Variants in DAB1 observed in about 807,000 individuals in gnomAD.
DAB1 encodes DAB adaptor protein 1.
DAB1 carries 15 observed loss-of-function variants against 64.6 expected under a neutral mutation model. The ratio of observed to expected loss-of-function variants is 0.23; its 90% CI spans 0.16 to 0.36. The LOEUF (loss-of-function observed/expected upper bound fraction) is 0.36, where lower values mean the gene tolerates loss of function less well. DAB1 is among the 10% of genes least tolerant of loss of function. DAB1 has a pLI of 1.00. For synonymous variants in DAB1, 235 were observed against 251.9 expected (o/e 0.93, Z 0.64); for missense variants, 596 against 706.7 (o/e 0.84, Z 1.78).
chr1:57,795,103 G>A lies in DAB1; in HGVS notation n.551+88896C>T, dbSNP rs562176916. On this transcript the variant is annotated intron_variant and non_coding_transcript_variant, in intron 6 of 20. Transcript: ENST00000485760. ...ATCCATCAGAGTTACTGATTATGGT[G>A]GCAGTGTTAACATGTGCTTTAAAGA... Among the ~76,000 whole-genome samples the A allele has an allele frequency of 2.3e-4, 35 of 152,334 alleles. No homozygotes were observed. The South Asian group carries it at 7.2e-3, about 32-fold the overall frequency.
At chr1:57,421,301 T>A (rs1684863027) in intron 1 of DAB1, among the ~76,000 whole-genome samples, 6 of 152,222 alleles carry the variant, frequency 3.9e-5, no homozygotes, top group Non-Finnish European at 8.8e-5. Flanking sequence ...GAGATGAGCT[T>A]CATCAACAAT....
rs80315962 is a variant in DAB1, at chr1:57,530,398, A to C, written n.625+119194T>G. ...TATCATTGTGTTGGGCACATGAACC[A>C]ATATGGATTGTATGGACAGAACGTA... is the stretch of plus-strand genomic sequence containing the variant. On this transcript the variant is annotated intron_variant and non_coding_transcript_variant, in intron 7 of 20. Coordinates refer to the DAB1 transcript ENST00000485760. 1.3e-4 allele frequency among the ~76,000 whole-genome samples: 20 copies of C among 152,280 alleles called. No individual in the cohort carries two copies. In the East Asian group the frequency reaches 3.7e-3, roughly 28 times the overall value.
chr1:57,716,815 AAG>A (rs1647089454), intron 6 of DAB1, among the ~76,000 whole-genome samples: 1 of 152,226 alleles, frequency 6.6e-6, no homozygotes, highest in Admixed American at 6.5e-5. Flanking sequence ...GAATGGGAGA[AAG>A]TATCTGCAAG....
intron 3 of DAB1, among the ~76,000 whole-genome samples, chr1:58,409,779 C>T (rs1644649526): frequency 6.6e-6 from 1 of 152,138 alleles, no homozygotes; most frequent in South Asian, 2.1e-4. Context: ...AGATGGAGGC[C>T]AAGGACACTG....
At chr1:57,563,424 G>A (rs1645076534) in intron 7 of DAB1, among the ~76,000 whole-genome samples, 2 of 152,124 alleles carry the variant, frequency 1.3e-5, no homozygotes, top group South Asian at 4.1e-4. Flanking sequence ...TCTCACTGGG[G>A]CTTGTCAGAC....
At chr1:57,856,646 C>G (rs563986747) in intron 1 of DAB1, among the ~76,000 whole-genome samples, 1 of 152,128 alleles carries the variant, frequency 6.6e-6, no homozygotes, top group African/African-American at 2.4e-5. Context: ...CACCTGTAAT[C>G]TCAGCTACAC....
intron 2 of DAB1, among the ~76,000 whole-genome samples, chr1:57,260,998 A>G (rs1670139422): frequency 6.6e-6 from 1 of 152,172 alleles, no homozygotes; most frequent in South Asian, 2.1e-4. Context: ...TATCTCCCGC[A>G]TTTAATGATA....
intron 2 of DAB1, among the ~76,000 whole-genome samples, chr1:57,250,149 A>G (rs1669210977): frequency 6.6e-6 from 1 of 152,206 alleles, no homozygotes; most frequent in Non-Finnish European, 1.5e-5. Flanking sequence ...CCACAGAACT[A>G]GTTAGTAGCA....
At chr1:57,640,318 T>C (rs1646113242) in intron 7 of DAB1, among the ~76,000 whole-genome samples, 1 of 152,236 alleles carries the variant, frequency 6.6e-6, no homozygotes, top group East Asian at 1.9e-4. Context: ...GGTGCACTCC[T>C]ATTAATGTTT....
chr1:58,479,018 C>T (rs1308247422), intron 3 of DAB1, among the ~76,000 whole-genome samples: 1 of 151,986 alleles, frequency 6.6e-6, no homozygotes, highest in Non-Finnish European at 1.5e-5. Context: ...ACATTTAATT[C>T]CACTGGTTAA....
intron 5 of DAB1, among the ~76,000 whole-genome samples, chr1:58,138,350 C>A (rs1654065586): frequency 6.6e-6 from 1 of 152,138 alleles, no homozygotes; most frequent in Non-Finnish European, 1.5e-5. Flanking sequence ...ACAGTTTGCA[C>A]TCCAAAAGTG....
chr1:58,359,036 A>T (rs1644139100), intron 3 of DAB1, among the ~76,000 whole-genome samples: 1 of 151,786 alleles, frequency 6.6e-6, no homozygotes, highest in Non-Finnish European at 1.5e-5. Flanking sequence ...TGAGATCTAT[A>T]ATTTAGCAAA....
intron 2 of DAB1, among the ~76,000 whole-genome samples, chr1:57,229,537 A>G (rs1321417336): frequency 1.3e-5 from 2 of 152,172 alleles, no homozygotes; most frequent in Non-Finnish European, 2.9e-5. Flanking sequence ...TCTGAAGCAA[A>G]TAAGGTAAAA....
chr1:57,491,730 G>A (rs1230668645), intron 7 of DAB1, among the ~76,000 whole-genome samples: 4 of 152,216 alleles, frequency 2.6e-5, no homozygotes, highest in Admixed American at 1.3e-4. Context: ...TTAGTAGAAT[G>A]AGAAGAGCGG....
intron 1 of DAB1, among the ~76,000 whole-genome samples, chr1:57,370,829 A>G (rs1680439108): frequency 6.6e-6 from 1 of 152,226 alleles, no homozygotes; most frequent in African/African-American, 2.4e-5. Context: ...TCGTTTTAAA[A>G]TTAACACAAT....
At chr1:58,126,870 T>C in intron 5 of DAB1, among the ~76,000 whole-genome samples, 1 of 146,770 alleles carries the variant, frequency 6.8e-6, no homozygotes, top group South Asian at 2.3e-4. Context: ...GTTGGACATT[T>C]GGGTTGGTTC....
intron 6 of DAB1, among the ~76,000 whole-genome samples, chr1:57,755,505 T>G (rs1648763766): frequency 6.6e-6 from 1 of 152,226 alleles, no homozygotes. Context: ...TTTTCTGGTT[T>G]TTAAACTTTG....
chr1:58,456,003 C>T (rs377604394), intron 3 of DAB1, among the ~76,000 whole-genome samples: 7 of 152,354 alleles, frequency 4.6e-5, no homozygotes, highest in Admixed American at 1.3e-4. Flanking sequence ...AGTGGGCAGA[C>T]GACATCACTT....
intron 4 of DAB1, among the ~76,000 whole-genome samples, chr1:57,079,050 A>G (rs183955755): frequency 4.8e-4 from 73 of 152,320 alleles, no homozygotes; most frequent in Middle Eastern, 3.4e-3. Flanking sequence ...ATATATTCAC[A>G]ACATCCTGTT....
Sources: allele counts gnomAD v4.1 joint callset (sites outside exome capture counted in the v4.1 genomes callset), GRCh38; gene constraint gnomAD v4.1.1; transcripts MANE v1.5; gene names NCBI Gene and HGNC (gene_info 2026-07-23, HGNC 2026-07-21).